The following HPSE2 variants were observed in gnomAD, a reference collection of about 807,000 sequenced individuals.
The protein encoded by HPSE2 is inactive heparanase-2.
Under a neutral mutation model 60.5 loss-of-function variants are expected in HPSE2, and 38 were observed. The observed-to-expected ratio is 0.63, with a 90% CI of 0.48 to 0.82. The LOEUF (loss-of-function observed/expected upper bound fraction) is 0.82, where lower values mean the gene tolerates loss of function less well. Ranked by LOEUF, HPSE2 falls within the 40% of genes least tolerant of loss-of-function variation. The pLI is 0.00. For missense variants in HPSE2, 713 were observed against 740.4 expected (o/e 0.96, Z 0.43); for synonymous variants, 295 against 293.2 (o/e 1.01, Z -0.06).
chr10:99,314,389 G>A, the HPSE2 span, among the ~76,000 whole-genome samples: 4 of 151,866 alleles, frequency 2.6e-5, no homozygotes, highest in East Asian at 1.9e-4. Context: ...TCTTGAACTC[G>A]TGAACTCAAG....
the HPSE2 span, among the ~76,000 whole-genome samples, chr10:99,310,097 T>C: frequency 6.6e-6 from 1 of 152,236 alleles, no homozygotes; most frequent in Admixed American, 6.5e-5. Flanking sequence ...CACATTGCCT[T>C]CTGCTCTGCG....
intron 2 of HPSE2, among the ~76,000 whole-genome samples, chr10:99,184,017 A>G (rs1255101660): frequency 6.6e-6 from 1 of 152,170 alleles, no homozygotes; most frequent in Non-Finnish European, 1.5e-5. Context: ...ACTCCAAGGA[A>G]CTTAACTTCA....
intron 4 of HPSE2, among the ~76,000 whole-genome samples, chr10:98,726,060 T>A (rs1949069726): frequency 6.6e-6 from 1 of 152,188 alleles, no homozygotes; most frequent in Non-Finnish European, 1.5e-5. Context: ...GTTCAACCAT[T>A]GTGGAAGTTG....
chr10:98,677,091 A>G (rs1222577706), intron 6 of HPSE2, among the ~76,000 whole-genome samples: 1 of 151,894 alleles, frequency 6.6e-6, no homozygotes, highest in East Asian at 1.9e-4. Flanking sequence ...CTCCCTTTCT[A>G]CCATCTCTTT....
chr10:99,217,503 C>G (rs939062374), intron 2 of HPSE2, among the ~76,000 whole-genome samples: 2 of 152,002 alleles, frequency 1.3e-5, no homozygotes, highest in African/African-American at 4.8e-5. Flanking sequence ...TTTAGAACCA[C>G]CTGGGGAGAT....
At chr10:98,855,534 C>T (rs1952292637) in intron 3 of HPSE2, among the ~76,000 whole-genome samples, 1 of 152,072 alleles carries the variant, frequency 6.6e-6, no homozygotes, top group Non-Finnish European at 1.5e-5. Context: ...CCCTATGACT[C>T]TCAGGGCACA....
At position 98,863,369 on chromosome 10, in the gene HPSE2, C is replaced by T. The variant is rs185158163; in HGVS notation, c.611-119313G>A. Among the ~76,000 whole-genome samples the T allele has an allele frequency of 2.1e-3, 326 of 152,108 alleles. 1 individual carries two copies. Among genetic ancestry groups the T allele is most frequent in the Middle Eastern group, 0.01 (3 of 292 alleles). On this transcript the variant is annotated intron_variant, in intron 3 of 11. Coordinates refer to ENST00000370552, the MANE Select transcript of HPSE2 (RefSeq NM_021828.5). ...AAAAAAATAAAGTGTCTGTATGTAT[C>T]TGTGTGTCTGTGTCTGTGTGTGAGA...
intron 3 of HPSE2, among the ~76,000 whole-genome samples, chr10:99,141,344 T>C (rs1208654355): frequency 1.3e-5 from 2 of 152,204 alleles, no homozygotes; most frequent in Middle Eastern, 3.2e-3. Flanking sequence ...TCACTGATGC[T>C]CTACTGGAAT....
chr10:99,286,980 C>T, the HPSE2 span, among the ~76,000 whole-genome samples: 2 of 152,150 alleles, frequency 1.3e-5, no homozygotes, highest in Non-Finnish European at 2.9e-5. Context: ...TTGAAATTCA[C>T]CCTCTTAATC....
chr10:98,512,006 C>A (rs990745724), intron 9 of HPSE2, among the ~76,000 whole-genome samples: 6 of 152,320 alleles, frequency 3.9e-5, no homozygotes, highest in African/African-American at 1.2e-4. Flanking sequence ...CCAGTAGCTA[C>A]TCTTCATCTA....
At chr10:99,282,291 T>C in the HPSE2 span, among the ~76,000 whole-genome samples, 3 of 151,928 alleles carry the variant, frequency 2.0e-5, no homozygotes, top group South Asian at 6.3e-4. Flanking sequence ...AAAAGACAAA[T>C]TAAGATATTG....
At chr10:98,774,434 T>C (rs896760622) in intron 3 of HPSE2, among the ~76,000 whole-genome samples, 2 of 152,186 alleles carry the variant, frequency 1.3e-5, no homozygotes, top group Admixed American at 1.3e-4. Flanking sequence ...CAGCTCTCTC[T>C]TTCTCTCTCT....
intron 3 of HPSE2, among the ~76,000 whole-genome samples, chr10:98,876,306 G>A (rs1952876328): frequency 6.6e-6 from 1 of 151,788 alleles, no homozygotes; most frequent in African/African-American, 2.4e-5. Flanking sequence ...TCTTATGGTG[G>A]TGACTAAATT....
chr10:98,979,532 A>G (rs1417540854), intron 3 of HPSE2, among the ~76,000 whole-genome samples: 1 of 152,192 alleles, frequency 6.6e-6, no homozygotes, highest in Non-Finnish European at 1.5e-5. Flanking sequence ...TTATAAAGGA[A>G]TACTGTATTC....
intron 3 of HPSE2, among the ~76,000 whole-genome samples, chr10:98,988,368 A>G (rs1295853770): frequency 6.6e-6 from 1 of 152,300 alleles, no homozygotes; most frequent in African/African-American, 2.4e-5. Flanking sequence ...GATCTTTGAC[A>G]AACCTGAGAA....
At chr10:98,626,708 C>G (rs1946224027) in intron 7 of HPSE2, among the ~76,000 whole-genome samples, 1 of 152,062 alleles carries the variant, frequency 6.6e-6, no homozygotes, top group Non-Finnish European at 1.5e-5. Context: ...TATTCAAGAA[C>G]CTACTGTACT....
At chr10:98,930,588 T>A (rs1954615718) in intron 3 of HPSE2, among the ~76,000 whole-genome samples, 1 of 144,714 alleles carries the variant, frequency 6.9e-6, no homozygotes, top group Non-Finnish European at 1.5e-5. Context: ...CTGAACTAAT[T>A]TACATTCCCA....
chr10:98,827,833 T>A (rs1951588218), intron 3 of HPSE2, among the ~76,000 whole-genome samples: 1 of 152,232 alleles, frequency 6.6e-6, no homozygotes, highest in Non-Finnish European at 1.5e-5. Flanking sequence ...AATACCTAGA[T>A]ATTGGGTCAA....
intron 7 of HPSE2, among the ~76,000 whole-genome samples, chr10:98,633,486 T>A (rs1946418602): frequency 6.6e-6 from 1 of 152,220 alleles, no homozygotes; most frequent in African/African-American, 2.4e-5. Context: ...GTGCTGAGAT[T>A]ACAGGTGTGA....
Sources: allele counts gnomAD v4.1 joint callset (sites outside exome capture counted in the v4.1 genomes callset), GRCh38; gene constraint gnomAD v4.1.1; transcripts MANE v1.5; gene names NCBI Gene and HGNC (gene_info 2026-07-23, HGNC 2026-07-21).